Variants in ADAM22 observed in about 807,000 individuals in gnomAD.
ADAM22 encodes the protein ADAM metallopeptidase domain 22, also known as disintegrin and metalloproteinase domain-containing protein 22.
Under a neutral mutation model 144.6 loss-of-function variants are expected in ADAM22, and 65 were observed. The ratio of observed to expected loss-of-function variants is 0.45; its 90% CI spans 0.37 to 0.55. ADAM22 has a LOEUF of 0.55. ADAM22 is among the 20% of genes least tolerant of loss of function. The probability of loss-of-function intolerance (pLI) is 0.00; values close to 1 mark genes in which losing one functional copy is unlikely to be tolerated. For missense variants in ADAM22, 974 were observed against 1,184.9 expected (o/e 0.82, Z 2.61); for synonymous variants, 391 against 412.6 (o/e 0.95, Z 0.63).
chr7:88,019,035 T>G (rs1182677727), intron 3 of ADAM22, among the ~76,000 whole-genome samples: 1 of 152,144 alleles, frequency 6.6e-6, no homozygotes, highest in Non-Finnish European at 1.5e-5. Context: ...TGGTTTTATT[T>G]TTTGCCATCT....
At chr7:88,012,867 A>T (rs1216111674) in intron 3 of ADAM22, among the ~76,000 whole-genome samples, 1 of 152,214 alleles carries the variant, frequency 6.6e-6, no homozygotes, top group Non-Finnish European at 1.5e-5. Flanking sequence ...TAGGTAGGAT[A>T]AAGTTCTGGT....
At chr7:88,145,047 G>C in intron 15 of ADAM22, 78 bp from the exon 16 acceptor site, 1 of 1,234,208 alleles carries the variant, frequency 8.1e-7, no homozygotes, top group South Asian at 1.3e-5. Context: ...GTATATTTGG[G>C]TATGGCACTT....
intron 11 of ADAM22, 88 bp from the exon 12 acceptor site, chr7:88,132,779 A>G (rs531983234): frequency 8.5e-6 from 9 of 1,062,114 alleles, no homozygotes; most frequent in Non-Finnish European, 1.3e-5. Flanking sequence ...TTATGTATAG[A>G]GAAAATAAAT....
intron 3 of ADAM22, among the ~76,000 whole-genome samples, chr7:88,023,415 A>C (rs574607858): frequency 4.6e-5 from 7 of 152,244 alleles, no homozygotes; most frequent in African/African-American, 1.7e-4. Flanking sequence ...CAATCCAATT[A>C]TAGTCTTTTA....
At chr7:88,177,626 G>A (rs1185974469) in intron 26 of ADAM22, among the ~76,000 whole-genome samples, 3 of 152,070 alleles carry the variant, frequency 2.0e-5, no homozygotes, top group Admixed American at 2.0e-4. Flanking sequence ...CATACTAACT[G>A]AAAAATCTTT....
intron 14 of ADAM22, among the ~76,000 whole-genome samples, chr7:88,141,448 A>G (rs575179186): frequency 1.4e-4 from 22 of 152,350 alleles, no homozygotes; most frequent in Non-Finnish European, 2.2e-4. Flanking sequence ...AGTATTAACT[A>G]CTGTGTTTAG....
At chr7:88,148,937 T>C in intron 17 of ADAM22, 40 bp from the exon 18 acceptor site, 3 of 1,472,698 alleles carry the variant, frequency 2.0e-6, no homozygotes, top group Non-Finnish European at 2.8e-6. Flanking sequence ...GATTTTTTTT[T>C]CTCCCTACAG....
chr7:88,075,530 G>T, intron 3 of ADAM22, 96 bp from the exon 4 acceptor site: 1 of 1,024,862 alleles, frequency 9.8e-7, no homozygotes, highest in Non-Finnish European at 1.5e-6. Context: ...GGGGCTTAAA[G>T]AATTGTTAAA....
At chr7:88,024,949 C>T (rs190693854) in intron 3 of ADAM22, among the ~76,000 whole-genome samples, 1 of 152,112 alleles carries the variant, frequency 6.6e-6, no homozygotes, top group Non-Finnish European at 1.5e-5. Context: ...TCCAGTCTAT[C>T]ATTGTTGGAC....
chr7:88,100,078 C>T (rs936331004), intron 4 of ADAM22, among the ~76,000 whole-genome samples: 1 of 152,010 alleles, frequency 6.6e-6, no homozygotes, highest in African/African-American at 2.4e-5. Flanking sequence ...GACAAATATA[C>T]TAAAGAAATA....
intron 3 of ADAM22, among the ~76,000 whole-genome samples, chr7:88,061,354 G>A (rs946412533): frequency 3.9e-5 from 6 of 152,056 alleles, no homozygotes; most frequent in African/African-American, 9.7e-5. Context: ...TAGATGGGGC[G>A]AAGGTTTTCA....
chr7:88,117,420 A>G (rs1025875404), intron 7 of ADAM22, among the ~76,000 whole-genome samples: 1 of 152,352 alleles, frequency 6.6e-6, no homozygotes, highest in Middle Eastern at 3.4e-3. Flanking sequence ...AAGTAAGCTA[A>G]TTTATTTTAG....
At chr7:88,109,776 G>A (rs971783205) in intron 5 of ADAM22, among the ~76,000 whole-genome samples, 4 of 151,604 alleles carry the variant, frequency 2.6e-5, no homozygotes, top group East Asian at 3.9e-4. Flanking sequence ...GCTAAGCATT[G>A]TCACCGAAGA....
At chr7:88,138,727 A>G (rs1833715730) in intron 14 of ADAM22, among the ~76,000 whole-genome samples, 1 of 152,236 alleles carries the variant, frequency 6.6e-6, no homozygotes, top group African/African-American at 2.4e-5. Flanking sequence ...GAGAGACATG[A>G]TATCTGCCTT....
chr7:87,988,040 A>G (rs939035927), intron 3 of ADAM22, among the ~76,000 whole-genome samples: 9 of 152,300 alleles, frequency 5.9e-5, no homozygotes, highest in African/African-American at 2.2e-4. Flanking sequence ...GTTTTGACCT[A>G]TAATGGTGCA....
chr7:88,083,255 G>A (rs940826824), intron 4 of ADAM22, among the ~76,000 whole-genome samples: 14 of 151,814 alleles, frequency 9.2e-5, no homozygotes, highest in Admixed American at 5.3e-4. Context: ...ACCAAACACC[G>A]CATGTTCTCA....
At chr7:88,151,389 G>C (rs12533109) in intron 20 of ADAM22, 69 bp downstream of exon 20, 199,238 of 1,568,722 alleles carry the variant, frequency 0.13, 18,411 homozygotes, top group East Asian at 0.46. Context: ...GGACGTGTGT[G>C]CTGGAAGTAA....
At chr7:87,994,089 C>A (rs2129452271) in intron 3 of ADAM22, among the ~76,000 whole-genome samples, 1 of 151,994 alleles carries the variant, frequency 6.6e-6, no homozygotes, top group South Asian at 2.1e-4. Flanking sequence ...TAAAAACCCT[C>A]TTTTTACAAA....
chr7:87,978,518 G>A (rs190360256), intron 3 of ADAM22, 106 bp downstream of exon 3: 59 of 812,262 alleles, frequency 7.3e-5, no homozygotes, highest in South Asian at 2.4e-4. Flanking sequence ...TTCCTATACC[G>A]GTTAAATACT....
Sources: gnomAD v4.1 joint callset for allele counts (sites outside exome capture counted in the v4.1 genomes callset) on GRCh38, gnomAD v4.1.1 for gene constraint, MANE v1.5 for transcripts, NCBI Gene and HGNC (gene_info 2026-07-23, HGNC 2026-07-21) for gene names.